RORA: variants seen among roughly 807,000 people sequenced by gnomAD.
RORA encodes the protein RAR related orphan receptor A.
RORA carries 7 observed loss-of-function variants against 69.5 expected under a neutral mutation model. The observed-to-expected ratio is 0.10, with a 90% CI of 0.06 to 0.19. The LOEUF is 0.19. Among genes scored for constraint, RORA ranks in the 10% least tolerant of loss-of-function variants. The probability of loss-of-function intolerance (pLI) is 1.00; values close to 1 mark genes in which losing one functional copy is unlikely to be tolerated. For missense variants in RORA, 457 were observed against 663.0 expected (o/e 0.69, Z 3.41); for synonymous variants, 261 against 240.8 (o/e 1.08, Z -0.78).
At chr15:60,629,187 C>CTTTTTTTTTTTTTTTTTTTTTTTTTT (rs34687322) in intron 2 of RORA, among the ~76,000 whole-genome samples, 1 of 112,030 alleles carries the variant, frequency 8.9e-6, no homozygotes, top group Non-Finnish European at 1.7e-5. Context: ...ACTGTTTATT[C>CTTTTTTTTTTTTTTTTTTTTTTTTTT]TTTTTTTTTT....
intron 1 of RORA, among the ~76,000 whole-genome samples, chr15:61,035,948 G>C (rs1896438022): frequency 6.6e-6 from 1 of 152,172 alleles, no homozygotes; most frequent in African/African-American, 2.4e-5. Context: ...GGACATAAAT[G>C]CTAAGAGGGA....
At chr15:60,945,947 A>G (rs986299063) in intron 1 of RORA, among the ~76,000 whole-genome samples, 9 of 152,318 alleles carry the variant, frequency 5.9e-5, no homozygotes, top group Admixed American at 4.6e-4. Flanking sequence ...GCAGCTGGGC[A>G]GACTGACGAG....
chr15:60,608,041 G>C (rs2068993371), intron 2 of RORA, among the ~76,000 whole-genome samples: 1 of 152,186 alleles, frequency 6.6e-6, no homozygotes, highest in Admixed American at 6.5e-5. Context: ...GTGAAAACTA[G>C]TTAATTTGTA....
intron 1 of RORA, among the ~76,000 whole-genome samples, chr15:60,947,688 T>TAAAAAAAAAAAAAAAAAAA (rs35887206): frequency 9.7e-6 from 1 of 102,950 alleles, no homozygotes; most frequent in African/African-American, 4.2e-5. Flanking sequence ...GAATGATCAA[T>TAAAAAAAAAAAAAAAAAAA]AAAAAAAAAA....
At chr15:60,845,052 T>TGC (rs10678869) in intron 1 of RORA, among the ~76,000 whole-genome samples, 4 of 151,930 alleles carry the variant, frequency 2.6e-5, no homozygotes, top group Non-Finnish European at 2.9e-5. Flanking sequence ...TGTGTGTGTG[T>TGC]CCTCACTAAA....
At chr15:61,192,999 A>C (rs1228667262) in intron 1 of RORA, among the ~76,000 whole-genome samples, 3 of 151,968 alleles carry the variant, frequency 2.0e-5, no homozygotes, top group Non-Finnish European at 4.4e-5. Flanking sequence ...ACCTTCAACG[A>C]CTCTCTGTTA....
chr15:60,930,049 G>T (rs1245884886), intron 1 of RORA, among the ~76,000 whole-genome samples: 1 of 152,196 alleles, frequency 6.6e-6, no homozygotes, highest in Non-Finnish European at 1.5e-5. Context: ...TCTTGTGGCT[G>T]TTGGGCCCTT....
chr15:60,511,404 T>G lies in RORA; in HGVS notation c.642A>C (p.Ala214=). Residue 214 remains alanine (A), a synonymous_variant, in exon 5 of 11, where the codon GCA becomes GCC. Coordinates refer to ENST00000335670, the MANE Select transcript of RORA (RefSeq NM_134261.3). This position sits in a 1 kb window ranked among gnomAD's most constrained non-coding sequence, Gnocchi z 6.4. ...GGTAGAAGCTGCTGACGGCGGAGTC[T>G]GCCTTACTCCCCTCAGGGGTGTGCC... ...IDGHTPEGSK[A]DSAVSSFYLD... The G allele has an allele frequency of 6.2e-7, 1 of 1,614,198 alleles. No individual in the cohort carries two copies. The highest frequency in any genetic ancestry group is 8.5e-7 in the Non-Finnish European group (1 of 1,180,024).
intron 1 of RORA, among the ~76,000 whole-genome samples, chr15:60,998,750 T>C (rs944010175): frequency 2.6e-5 from 4 of 152,242 alleles, no homozygotes; most frequent in Admixed American, 6.5e-5. Context: ...CTATGTGATA[T>C]TCTTGACAGG....
intron 1 of RORA, among the ~76,000 whole-genome samples, chr15:61,209,284 T>C (rs950308044): frequency 2.7e-5 from 4 of 150,374 alleles, no homozygotes; most frequent in Non-Finnish European, 5.9e-5. Flanking sequence ...AAAAAAAAAA[T>C]TCACACACTC....
chr15:60,627,621 T>G, intron 2 of RORA: 1 of 734,468 alleles, frequency 1.4e-6, no homozygotes, highest in Non-Finnish European at 1.7e-6. Flanking sequence ...GCTGGGCTCC[T>G]CTCTTTTCTT....
intron 1 of RORA, among the ~76,000 whole-genome samples, chr15:60,849,731 C>T (rs1436696691): frequency 6.6e-6 from 1 of 152,160 alleles, no homozygotes; most frequent in African/African-American, 2.4e-5. Flanking sequence ...TTCAAGCTAC[C>T]ATTGCGATGT....
intron 1 of RORA, among the ~76,000 whole-genome samples, chr15:61,175,719 A>G (rs964388198): frequency 6.6e-6 from 1 of 152,086 alleles, no homozygotes; most frequent in South Asian, 2.1e-4. Flanking sequence ...CCAGTCTCGA[A>G]TAAAATAGAA....
rs926979504 is a variant in RORA at position 61,213,143 on chromosome 15, T to C, written c.166+15910A>G. 2.6e-5 allele frequency among the ~76,000 whole-genome samples: 4 copies of C among 152,002 alleles called. No homozygotes were observed. The highest frequency in any genetic ancestry group is 5.9e-5 in the Non-Finnish European group (4 of 67,998). ...CTCTTCACACTCTACTCCACTACAC[T>C]GTCCCAGCCAATAATCCCGGCCCAC... On this transcript the variant is annotated intron_variant, in intron 1 of 10. Transcript: ENST00000335670. This position sits in a 1 kb window ranked among gnomAD's most constrained non-coding sequence, Gnocchi z 4.1.
intron 1 of RORA, among the ~76,000 whole-genome samples, chr15:60,919,526 C>T (rs1891979593): frequency 6.6e-6 from 1 of 152,206 alleles, no homozygotes; most frequent in East Asian, 1.9e-4. Flanking sequence ...AGTGCCTCTG[C>T]ATCCATTATA....
chr15:60,634,943 A>G (rs1051042622), intron 2 of RORA, among the ~76,000 whole-genome samples: 1 of 152,216 alleles, frequency 6.6e-6, no homozygotes, highest in Non-Finnish European at 1.5e-5. Context: ...TAAACATCTC[A>G]CTAGTGAACT....
At chr15:61,022,690 G>A (rs1387060459) in intron 1 of RORA, among the ~76,000 whole-genome samples, 1 of 152,092 alleles carries the variant, frequency 6.6e-6, no homozygotes, top group Non-Finnish European at 1.5e-5. Context: ...GACACATTGT[G>A]GCAAAGAGTG....
At chr15:61,154,642 C>T (rs117978517) in intron 1 of RORA, among the ~76,000 whole-genome samples, 4,279 of 152,236 alleles carry the variant, frequency 0.028, 102 homozygotes, top group Non-Finnish European at 0.042. Flanking sequence ...TCGTAAATTA[C>T]AGGAGATTCA....
intron 1 of RORA, among the ~76,000 whole-genome samples, chr15:60,881,999 G>T (rs562263799): frequency 1.1e-4 from 16 of 152,304 alleles, no homozygotes; most frequent in African/African-American, 3.8e-4. Flanking sequence ...ACTTAAATAT[G>T]GCTCAGAGCA....
Sources: allele counts gnomAD v4.1 joint callset (sites outside exome capture counted in the v4.1 genomes callset), GRCh38; gene constraint gnomAD v4.1.1; non-coding constraint Gnocchi (gnomAD v3.1); transcripts MANE v1.5; gene names NCBI Gene and HGNC (gene_info 2026-07-23, HGNC 2026-07-21).